Variants in DTX1 observed in about 807,000 individuals in gnomAD.
The protein encoded by DTX1 is E3 ubiquitin-protein ligase DTX1.
DTX1 carries 26 observed loss-of-function variants against 57.8 expected under a neutral mutation model. The observed-to-expected ratio is 0.45, with a 90% CI of 0.33 to 0.62. The LOEUF is 0.62. Among genes scored for constraint, DTX1 ranks in the 20% least tolerant of loss-of-function variants. The pLI is 0.02. For missense variants in DTX1, 704 were observed against 895.3 expected, an observed-to-expected ratio of 0.79 and a Z score of 2.73; for synonymous variants, 398 against 394.1, an observed-to-expected ratio of 1.01 and a Z score of -0.12.
Position 113,058,000 on chromosome 12 carries a change from T to G in DTX1, c.-193T>G. On this transcript the variant is annotated 5_prime_UTR_variant, in exon 2 of 10. Coordinates refer to ENST00000548759, the MANE Select transcript of DTX1 (RefSeq NM_004416.3). The stretch of plus-strand genomic sequence containing the variant: ...AGAAGGCTCTACAGGGAAGGGGTCT[T>G]TGCAGCCTGGATGGCCATCCCACAT... The G allele has an allele frequency of 1.2e-6, 1 of 864,502 alleles. No homozygotes were observed. 53.6% of individuals were successfully genotyped at this position (864,502 alleles called of 1,614,324 possible).
intron 3 of DTX1, among the ~76,000 whole-genome samples, chr12:113,082,591 G>A (rs975690260): frequency 6.6e-6 from 1 of 152,092 alleles, no homozygotes; most frequent in African/African-American, 2.4e-5. Context: ...CTTTGTTTCT[G>A]TGTCTTTGTT....
At chr12:113,080,205 C>G (rs1358480836) in intron 3 of DTX1, among the ~76,000 whole-genome samples, 3 of 152,184 alleles carry the variant, frequency 2.0e-5, no homozygotes, top group Non-Finnish European at 4.4e-5. Flanking sequence ...CCAGTGCCAA[C>G]AGAGAGCAGA....
Position 113,058,154 on chromosome 12 carries a change from G to C in DTX1, c.-39G>C, listed in dbSNP as rs375936872. ...GCCAGGCCCAGGAGGAGCTGGGCCT[G>C]CAATAGTGGGGGACCTGGCCCCTGA... On this transcript the variant is annotated 5_prime_UTR_variant, in exon 2 of 10. Coordinates refer to ENST00000548759, the MANE Select transcript of DTX1 (RefSeq NM_004416.3). 16 of 1,552,806 alleles carry C rather than the reference G, an allele frequency of 1.0e-5. No homozygotes were observed. Among genetic ancestry groups the C allele is most frequent in the Non-Finnish European group, 1.4e-5 (16 of 1,149,014 alleles).
At chr12:113,083,498 G>A (rs1470694061) in intron 3 of DTX1, among the ~76,000 whole-genome samples, 2 of 152,112 alleles carry the variant, frequency 1.3e-5, no homozygotes, top group South Asian at 2.1e-4. Context: ...GCTATTTTTT[G>A]TATTTTTAGT....
chr12:113,091,390 G>A (rs1392263260), intron 3 of DTX1, among the ~76,000 whole-genome samples: 2 of 152,082 alleles, frequency 1.3e-5, no homozygotes, highest in African/African-American at 4.8e-5. Context: ...AGTGTGTGCG[G>A]TATGTTCCCC....
chr12:113,074,677 A>G (rs2044758130), intron 2 of DTX1, among the ~76,000 whole-genome samples: 1 of 152,202 alleles, frequency 6.6e-6, no homozygotes, highest in South Asian at 2.1e-4. Context: ...GGTATGGGAA[A>G]TGGATTACAG....
chr12:113,077,324 C>T lies in DTX1; in HGVS notation c.260-100C>T. The stretch of plus-strand genomic sequence containing the variant: ...GACCCCCTGGAGGCCTGTGCTGACC[C>T]CCCAACCTCCCGCCCACCCTTGCCT... On this transcript the variant is annotated intron_variant, in intron 2 of 9. Coordinates refer to ENST00000548759, the MANE Select transcript of DTX1 (RefSeq NM_004416.3). This position sits in a 1 kb window ranked among gnomAD's most constrained non-coding sequence, Gnocchi z 7.8. 7.3e-6 allele frequency: 10 copies of T among 1,369,756 alleles called. No homozygotes were observed. Among genetic ancestry groups the T allele is most frequent in the Non-Finnish European group, 8.8e-6 (9 of 1,028,092 alleles). 84.9% of individuals were successfully genotyped at this position (1,369,756 alleles called of 1,614,324 possible).
intron 2 of DTX1, among the ~76,000 whole-genome samples, chr12:113,072,275 C>T (rs1304061948): frequency 6.6e-6 from 1 of 152,196 alleles, no homozygotes; most frequent in African/African-American, 2.4e-5. Context: ...TAGTCTTTGT[C>T]CTCCCAAAAG....
rs1402230687 is a variant in DTX1, at chr12:113,094,193, CTTCTAGTTTG to C, written c.1227+98_1227+107del. On this transcript the variant is annotated intron_variant, in intron 6 of 9. Coordinates refer to ENST00000548759, the MANE Select transcript of DTX1 (RefSeq NM_004416.3). ...CCTGGGTTCTGGGTGATACAGAGCT[CTTCTAGTTTG>C]TTCCTTTCTTCACTTTATGAGGTTT... is the stretch of plus-strand genomic sequence containing the variant. 2.9e-5 allele frequency: 34 copies of C among 1,157,878 alleles called. No homozygotes were observed. The East Asian group carries it at 3.4e-4, about 12-fold the overall frequency. 71.7% of individuals were successfully genotyped at this position (1,157,878 alleles called of 1,614,324 possible). A position where few individuals can be genotyped will look rare whatever the true frequency, so the allele number is the denominator to read the frequency against.
intron 2 of DTX1, among the ~76,000 whole-genome samples, chr12:113,065,716 T>G (rs1592842742): frequency 6.9e-6 from 1 of 144,874 alleles, no homozygotes; most frequent in African/African-American, 2.6e-5. Context: ...GTGAAGAAGG[T>G]GGTAAGGAGT....
At chr12:113,083,154 T>A (rs2044830398) in intron 3 of DTX1, among the ~76,000 whole-genome samples, 2 of 152,184 alleles carry the variant, frequency 1.3e-5, no homozygotes, top group African/African-American at 2.4e-5. Context: ...TCAGTCCTAT[T>A]GGATTAGGGC....
Position 113,094,995 on chromosome 12 carries a change from G to A in DTX1, c.1387-47G>A, listed in dbSNP as rs972788698. ...TGAGGAGTGGGCAGGGAACGGAGTGGGGTTTGGGGGGGTGCTGGGAACTCA... is the reference window on the plus strand; with the variant it reads ...TGAGGAGTGGGCAGGGAACGGAGTGAGGTTTGGGGGGGTGCTGGGAACTCA... On this transcript the variant is annotated intron_variant, in intron 7 of 9. Transcript: ENST00000548759. The A allele has an allele frequency of 5.6e-6, 9 of 1,604,254 alleles. No individual in the cohort carries two copies. In the African/African-American group the frequency reaches 1.2e-4, roughly 21 times the overall value.
Position 113,096,942 on chromosome 12 carries a change from C to A in DTX1, c.*3C>A. 6.2e-7 allele frequency: 1 copy of A among 1,605,096 alleles called. No homozygotes were observed. The highest frequency in any genetic ancestry group is 1.1e-5 in the South Asian group (1 of 90,622). Reference sequence around the variant, plus strand: ...CCGAGGCTGCAGCCAAGGCTTGAGGCCCAAGGCTGCCCACCTTCCCTCCTG... The same window carrying A: ...CCGAGGCTGCAGCCAAGGCTTGAGGACCAAGGCTGCCCACCTTCCCTCCTG... On this transcript the variant is annotated 3_prime_UTR_variant, in exon 10 of 10. Transcript: ENST00000548759.
intron 3 of DTX1, among the ~76,000 whole-genome samples, chr12:113,090,422 C>T (rs948473199): frequency 3.3e-5 from 5 of 152,094 alleles, no homozygotes; most frequent in Admixed American, 6.5e-5. Context: ...GCAGGGTGCC[C>T]GACAAGAAAA....
intron 2 of DTX1, among the ~76,000 whole-genome samples, chr12:113,071,994 G>T (rs1283371214): frequency 6.6e-6 from 1 of 152,356 alleles, no homozygotes; most frequent in Admixed American, 6.5e-5. Flanking sequence ...GCCCTGACGG[G>T]CTCCCAGAGT....
chr12:113,091,293 G>A (rs1314015083), intron 3 of DTX1, among the ~76,000 whole-genome samples: 1 of 152,180 alleles, frequency 6.6e-6, no homozygotes, highest in African/African-American at 2.4e-5. Flanking sequence ...GAGTGTGTGT[G>A]TATCTTAATC....
chr12:113,093,384 A>G lies in DTX1; in HGVS notation c.1004-155A>G. Reference sequence around the variant, plus strand: ...GACACAGGGCGGGCGTGGCCCGCAGAAAGGCCCTTCAGGGGCCTTCAAGGG... The same window carrying G: ...GACACAGGGCGGGCGTGGCCCGCAGGAAGGCCCTTCAGGGGCCTTCAAGGG... On this transcript the variant is annotated intron_variant, in intron 4 of 9. Coordinates refer to ENST00000548759, the MANE Select transcript of DTX1 (RefSeq NM_004416.3). This position sits in a 1 kb window ranked among gnomAD's most constrained non-coding sequence, Gnocchi z 4.2. The G allele has an allele frequency of 2.2e-6, 3 of 1,336,632 alleles. No individual in the cohort carries two copies. Among genetic ancestry groups the G allele is most frequent in the Non-Finnish European group, 3.0e-6 (3 of 1,003,038 alleles). The allele number at this position is 1,336,632 out of a possible 1,614,324, so 82.8% of individuals were successfully genotyped here.
At chr12:113,058,924 G>C (rs1032048582) in intron 2 of DTX1, among the ~76,000 whole-genome samples, 1 of 152,232 alleles carries the variant, frequency 6.6e-6, no homozygotes, top group East Asian at 1.9e-4. Context: ...CCCAGAAGCT[G>C]AGTGATTTAA....
intron 6 of DTX1, among the ~76,000 whole-genome samples, chr12:113,094,374 G>A (rs1319137238): frequency 6.6e-6 from 1 of 152,140 alleles, no homozygotes; most frequent in Non-Finnish European, 1.5e-5. Context: ...TCACCTGGGG[G>A]GTGGTGAGGG....
Sources: gnomAD v4.1 joint callset for allele counts (sites outside exome capture counted in the v4.1 genomes callset) on GRCh38, gnomAD v4.1.1 for gene constraint, Gnocchi (gnomAD v3.1) non-coding constraint, MANE v1.5 for transcripts, NCBI Gene and HGNC (gene_info 2026-07-23, HGNC 2026-07-21) for gene names.